Variants in NEGR1 observed in about 807,000 individuals in gnomAD.
NEGR1 encodes the protein IgLON family member 4.
Under a neutral mutation model 40.9 loss-of-function variants are expected in NEGR1, and 10 were observed. The observed-to-expected ratio is 0.24, with a 90% CI of 0.15 to 0.42. NEGR1 has a LOEUF of 0.42. Among genes scored for constraint, NEGR1 ranks in the 10% least tolerant of loss-of-function variants. NEGR1 has a pLI of 1.00. For missense variants in NEGR1, 352 were observed against 438.9 expected, an observed-to-expected ratio of 0.80 and a Z score of 1.77; for synonymous variants, 185 against 166.8, an observed-to-expected ratio of 1.11 and a Z score of -0.84.
At chr1:71,990,135 C>T (rs543953894) in intron 1 of NEGR1, among the ~76,000 whole-genome samples, 1 of 152,246 alleles carries the variant, frequency 6.6e-6, no homozygotes, top group African/African-American at 2.4e-5. Flanking sequence ...GTGTATCATA[C>T]TGCTTTTCTC....
At chr1:72,048,718 T>A (rs376600668) in intron 1 of NEGR1, among the ~76,000 whole-genome samples, 41 of 151,782 alleles carry the variant, frequency 2.7e-4, no homozygotes, top group African/African-American at 8.9e-4. Flanking sequence ...TGGTGATTAA[T>A]CCTATATCAT....
intron 1 of NEGR1, among the ~76,000 whole-genome samples, chr1:72,176,527 G>T (rs542455449): frequency 5.3e-5 from 8 of 152,172 alleles, no homozygotes; most frequent in African/African-American, 1.9e-4. Flanking sequence ...GCTCCAGAAG[G>T]ATGTCACACT....
intron 1 of NEGR1, among the ~76,000 whole-genome samples, chr1:72,157,271 CTGTT>C (rs1420039511): frequency 7.2e-5 from 11 of 152,040 alleles, no homozygotes; most frequent in Non-Finnish European, 1.6e-4. Context: ...ATGTCCAGCC[CTGTT>C]TGTTTGTGTG....
intron 2 of NEGR1, among the ~76,000 whole-genome samples, chr1:71,800,821 G>A (rs908053116): frequency 1.3e-5 from 2 of 152,146 alleles, no homozygotes; most frequent in South Asian, 2.1e-4. Flanking sequence ...CATTCCCATA[G>A]CATGTGTTAT....
At chr1:72,113,001 C>A (rs1649436652) in intron 1 of NEGR1, among the ~76,000 whole-genome samples, 1 of 151,714 alleles carries the variant, frequency 6.6e-6, no homozygotes, top group Non-Finnish European at 1.5e-5. Context: ...GGCAAGAAGT[C>A]TCCGACTTCC....
intron 1 of NEGR1, among the ~76,000 whole-genome samples, chr1:72,257,269 C>T (rs923316206): frequency 2.8e-5 from 4 of 142,698 alleles, no homozygotes; most frequent in African/African-American, 1.1e-4. Context: ...TTGCAGTGAG[C>T]CGAGATCCCG....
intron 2 of NEGR1, among the ~76,000 whole-genome samples, chr1:71,843,277 T>C (rs1390814207): frequency 6.6e-6 from 1 of 152,138 alleles, no homozygotes; most frequent in Non-Finnish European, 1.5e-5. Flanking sequence ...CTCTAGATCT[T>C]TGGAGATAAA....
chr1:72,180,096 A>G (rs79164782), intron 1 of NEGR1, among the ~76,000 whole-genome samples: 30,744 of 151,962 alleles, frequency 0.2, 3,721 homozygotes, highest in South Asian at 0.28. Flanking sequence ...AGAAAGAAAA[A>G]GTTGGAGGCA....
chr1:71,661,440 A>G (rs1474524936), intron 4 of NEGR1, among the ~76,000 whole-genome samples: 2 of 152,220 alleles, frequency 1.3e-5, no homozygotes, highest in Non-Finnish European at 2.9e-5. Context: ...TTCTACATGT[A>G]GTGCAAACTC....
chr1:71,710,326 T>G (rs895223868), intron 3 of NEGR1, among the ~76,000 whole-genome samples: 3 of 152,150 alleles, frequency 2.0e-5, no homozygotes, highest in Admixed American at 6.5e-5. Flanking sequence ...GAGATTCCCC[T>G]AAAACTAAAA....
intron 2 of NEGR1, among the ~76,000 whole-genome samples, chr1:71,925,323 T>A (rs996078375): frequency 6.6e-6 from 1 of 152,220 alleles, no homozygotes; most frequent in African/African-American, 2.4e-5. Flanking sequence ...AAATGCGGGC[T>A]AGAAAACTGA....
chr1:72,274,751 C>A, intron 1 of NEGR1: 1 of 1,164,996 alleles, frequency 8.6e-7, no homozygotes, highest in Non-Finnish European at 1.3e-6. Context: ...GGAGAAATTG[C>A]TTGCTGTAAG....
chr1:71,754,498 C>A (rs1242509107), intron 3 of NEGR1, among the ~76,000 whole-genome samples: 1 of 152,146 alleles, frequency 6.6e-6, no homozygotes, highest in African/African-American at 2.4e-5. Context: ...GTATCAATTA[C>A]TGTTGAAGCC....
rs200992201 is a variant in NEGR1, at chr1:72,017,121, CAT to C, written c.177-81812_177-81811del. Among the ~76,000 whole-genome samples, 551 of 133,640 alleles carry C rather than the reference CAT, an allele frequency of 4.1e-3. 6 individuals carry two copies. The highest frequency in any genetic ancestry group is 0.014 in the African/African-American group (460 of 32,370). The allele number at this position is 133,640 out of a possible 152,430, so 87.7% of individuals were successfully genotyped here. A position where few individuals can be genotyped will look rare whatever the true frequency, so the allele number is the denominator to read the frequency against. ...CAAATAATACACACATATATATACA[CAT>C]ATATGTGTGTGTGTGTGTGTGTGTG... On this transcript the variant is annotated intron_variant, in intron 1 of 6. Coordinates refer to ENST00000357731, the MANE Select transcript of NEGR1 (RefSeq NM_173808.3).
chr1:71,586,673 T>C (rs1010848995), intron 6 of NEGR1, among the ~76,000 whole-genome samples: 12 of 152,154 alleles, frequency 7.9e-5, no homozygotes, highest in African/African-American at 2.4e-4. Context: ...CTCTCCCATA[T>C]GCCACTAAAT....
chr1:72,250,418 TATA>T (rs1655048152), intron 1 of NEGR1, among the ~76,000 whole-genome samples: 1 of 152,136 alleles, frequency 6.6e-6, no homozygotes, highest in Non-Finnish European at 1.5e-5. Flanking sequence ...CATATTATGA[TATA>T]ATATGTTAGG....
chr1:71,432,983 T>C (rs1041637518), intron 6 of NEGR1, among the ~76,000 whole-genome samples: 1 of 152,212 alleles, frequency 6.6e-6, no homozygotes, highest in Non-Finnish European at 1.5e-5. Flanking sequence ...TTGCCTCCCA[T>C]AAAACTTTGT....
chr1:71,748,355 T>C (rs1475004665), intron 3 of NEGR1, among the ~76,000 whole-genome samples: 1 of 152,194 alleles, frequency 6.6e-6, no homozygotes, highest in Non-Finnish European at 1.5e-5. Flanking sequence ...TGAAGTTCAT[T>C]TCTGATGAAA....
intron 1 of NEGR1, among the ~76,000 whole-genome samples, chr1:71,998,563 T>A (rs551733040): frequency 1.3e-4 from 19 of 151,958 alleles, no homozygotes; most frequent in Non-Finnish European, 2.4e-4. Context: ...TTCCTTCTTA[T>A]AATGTGTTCC....
Sources: gnomAD v4.1 joint callset for allele counts (sites outside exome capture counted in the v4.1 genomes callset) on GRCh38, gnomAD v4.1.1 for gene constraint, MANE v1.5 for transcripts, NCBI Gene and HGNC (gene_info 2026-07-23, HGNC 2026-07-21) for gene names.